Variants in CNTNAP2 observed in about 807,000 individuals in gnomAD.
The protein encoded by CNTNAP2 is contactin associated protein 2.
Under a neutral mutation model 155.2 loss-of-function variants are expected in CNTNAP2, and 98 were observed. The observed-to-expected ratio is 0.63, with a 90% CI of 0.54 to 0.75. CNTNAP2 has a LOEUF of 0.75. Ranked by LOEUF, CNTNAP2 falls within the 30% of genes least tolerant of loss-of-function variation. The probability of loss-of-function intolerance (pLI) is 0.00; values close to 1 mark genes in which losing one functional copy is unlikely to be tolerated. For missense variants in CNTNAP2, 1,727 were observed against 1,688.1 expected (o/e 1.02, Z -0.40); for synonymous variants, 651 against 631.2 (o/e 1.03, Z -0.47).
chr7:147,283,889 T>C (rs1805112126), intron 8 of CNTNAP2, among the ~76,000 whole-genome samples: 1 of 151,914 alleles, frequency 6.6e-6, no homozygotes, highest in African/African-American at 2.4e-5. Context: ...TCTTCCATAT[T>C]GGTATGTCAT....
intron 14 of CNTNAP2, among the ~76,000 whole-genome samples, chr7:147,938,933 A>G (rs1023566492): frequency 3.3e-5 from 5 of 152,212 alleles, no homozygotes; most frequent in Non-Finnish European, 5.9e-5. Flanking sequence ...GAGCCAAGAT[A>G]AATGCCTATG....
intron 12 of CNTNAP2, among the ~76,000 whole-genome samples, chr7:147,618,352 T>C (rs1013446085): frequency 3.3e-5 from 5 of 152,186 alleles, no homozygotes; most frequent in African/African-American, 1.2e-4. Context: ...ATATACATTT[T>C]AATTTAGAAA....
chr7:147,926,754 C>A (rs1328862082), intron 14 of CNTNAP2, among the ~76,000 whole-genome samples: 2 of 151,938 alleles, frequency 1.3e-5, no homozygotes, highest in African/African-American at 4.8e-5. Context: ...GAACTGAAGG[C>A]ACAGGATAAA....
At chr7:146,931,725 A>C in intron 3 of CNTNAP2, among the ~76,000 whole-genome samples, 1 of 149,962 alleles carries the variant, frequency 6.7e-6, no homozygotes, top group African/African-American at 2.5e-5. Context: ...GAAGAATCAA[A>C]TAGACACAAT....
At chr7:148,184,324 T>C (rs1795085323) in intron 18 of CNTNAP2, among the ~76,000 whole-genome samples, 1 of 152,242 alleles carries the variant, frequency 6.6e-6, no homozygotes, top group Non-Finnish European at 1.5e-5. Flanking sequence ...TCTTTGCTTT[T>C]TGTTAAAAGA....
chr7:147,748,077 GA>G (rs150226542), intron 13 of CNTNAP2, among the ~76,000 whole-genome samples: 3,184 of 152,330 alleles, frequency 0.021, 98 homozygotes, highest in African/African-American at 0.073. Context: ...TGATTTGCAA[GA>G]TAGAAAAGAA....
At position 146,924,580 on chromosome 7, in the gene CNTNAP2, AG is replaced by A. The variant is rs1248756624; in HGVS notation, c.402+84679del. Reference sequence around the variant, plus strand: ...TCACACTTGTCTTGAAAGACCTTTGAGGGCCAGCCACTATTACTAAAGAAAA... The same window carrying A: ...TCACACTTGTCTTGAAAGACCTTTGAGGCCAGCCACTATTACTAAAGAAAA... On this transcript the variant is annotated intron_variant, in intron 3 of 23. Coordinates refer to ENST00000361727, the MANE Select transcript of CNTNAP2 (RefSeq NM_014141.6). 9.2e-5 allele frequency among the ~76,000 whole-genome samples: 14 copies of A among 152,128 alleles called. No homozygotes were observed. The South Asian group carries it at 2.3e-3, about 25-fold the overall frequency.
chr7:147,002,206 A>G (rs938040938), intron 3 of CNTNAP2, among the ~76,000 whole-genome samples: 2 of 152,058 alleles, frequency 1.3e-5, no homozygotes, highest in Non-Finnish European at 2.9e-5. Flanking sequence ...AAAAATAAAA[A>G]GAGAATGTCC....
At chr7:147,679,974 T>C (rs947389163) in intron 13 of CNTNAP2, among the ~76,000 whole-genome samples, 1 of 151,854 alleles carries the variant, frequency 6.6e-6, no homozygotes, top group Non-Finnish European at 1.5e-5. Flanking sequence ...TTCGTTTCTT[T>C]TTTTTTTTAA....
At chr7:147,207,911 CCAGA>C (rs1803054367) in intron 8 of CNTNAP2, among the ~76,000 whole-genome samples, 1 of 152,050 alleles carries the variant, frequency 6.6e-6, no homozygotes, top group African/African-American at 2.4e-5. Context: ...TTGCTTTTCT[CCAGA>C]CATAGTGCTT....
intron 1 of CNTNAP2, among the ~76,000 whole-genome samples, chr7:146,374,884 G>C (rs1475822605): frequency 6.6e-6 from 1 of 152,128 alleles, no homozygotes; most frequent in Non-Finnish European, 1.5e-5. Flanking sequence ...TACAGAATTT[G>C]TTTAAAATCT....
At chr7:148,176,234 T>G in intron 18 of CNTNAP2, among the ~76,000 whole-genome samples, 1 of 97,006 alleles carries the variant, frequency 1.0e-5, no homozygotes, top group African/African-American at 4.2e-5. Flanking sequence ...TTTTTTTTTT[T>G]TTTTGAGATG....
At chr7:147,014,814 T>C (rs912707503) in intron 3 of CNTNAP2, among the ~76,000 whole-genome samples, 18 of 152,168 alleles carry the variant, frequency 1.2e-4, no homozygotes, top group African/African-American at 2.9e-4. Flanking sequence ...TACTCATAGT[T>C]AGTCAGTCCC....
intron 10 of CNTNAP2, among the ~76,000 whole-genome samples, chr7:147,452,783 A>G (rs946305824): frequency 6.6e-6 from 1 of 152,170 alleles, no homozygotes; most frequent in African/African-American, 2.4e-5. Context: ...CCTGATATGT[A>G]AGTATGCAAG....
At chr7:147,919,700 C>T (rs1005626371) in intron 14 of CNTNAP2, among the ~76,000 whole-genome samples, 7 of 151,420 alleles carry the variant, frequency 4.6e-5, no homozygotes, top group East Asian at 4.0e-4. Flanking sequence ...ACTCGTGATC[C>T]GCCCGCCTCG....
At chr7:146,262,452 C>A (rs1284581109) in intron 1 of CNTNAP2, among the ~76,000 whole-genome samples, 1 of 152,158 alleles carries the variant, frequency 6.6e-6, no homozygotes, top group Admixed American at 6.5e-5. Context: ...TGAGCAAAGT[C>A]ATACTTTTGT....
rs1584822482 is a variant in CNTNAP2, at chr7:147,254,469, G to A, written c.1349-45672G>A. 2.0e-5 allele frequency among the ~76,000 whole-genome samples: 3 copies of A among 151,922 alleles called. No homozygotes were observed. In the East Asian group the frequency reaches 5.8e-4, roughly 29 times the overall value. On this transcript the variant is annotated intron_variant, in intron 8 of 23. Coordinates refer to ENST00000361727, the MANE Select transcript of CNTNAP2 (RefSeq NM_014141.6). Reference sequence around the variant, plus strand: ...CAGAGAGCCATTTTGAACTAAAGAAGTTTTTGATTCCCTTGTGTTAACTTT... The same window carrying A: ...CAGAGAGCCATTTTGAACTAAAGAAATTTTTGATTCCCTTGTGTTAACTTT...
intron 9 of CNTNAP2, among the ~76,000 whole-genome samples, chr7:147,328,276 A>G (rs1465119501): frequency 2.0e-5 from 3 of 152,222 alleles, no homozygotes; most frequent in Non-Finnish European, 2.9e-5. Flanking sequence ...ATTGCCTGTG[A>G]AAGGAGCTCT....
At chr7:147,943,598 G>A (rs569598488) in intron 14 of CNTNAP2, among the ~76,000 whole-genome samples, 12 of 151,496 alleles carry the variant, frequency 7.9e-5, no homozygotes, top group East Asian at 2.0e-4. Context: ...GTGAAGCCCC[G>A]TCTCTACTAA....
Sources: allele counts gnomAD v4.1 joint callset (sites outside exome capture counted in the v4.1 genomes callset), GRCh38; gene constraint gnomAD v4.1.1; transcripts MANE v1.5; gene names NCBI Gene and HGNC (gene_info 2026-07-23, HGNC 2026-07-21).